KCNN2: variants seen among roughly 807,000 people sequenced by gnomAD.
KCNN2 encodes the protein potassium calcium-activated channel subfamily N member 2.
KCNN2 carries 24 observed loss-of-function variants against 55.5 expected under a neutral mutation model. That is an observed-to-expected ratio of 0.43 (90% CI 0.31 to 0.61). The LOEUF (loss-of-function observed/expected upper bound fraction) is 0.61, where lower values mean the gene tolerates loss of function less well. Among genes scored for constraint, KCNN2 ranks in the 20% least tolerant of loss-of-function variants. The pLI, the probability that KCNN2 is intolerant of heterozygous loss-of-function variation, is 0.08. For synonymous variants in KCNN2, 431 were observed against 336.1 expected (o/e 1.28, Z -3.09); for missense variants, 754 against 853.6 (o/e 0.88, Z 1.45).
At chr5:114,471,107 T>A (rs1383279897) in intron 4 of KCNN2, among the ~76,000 whole-genome samples, 2 of 152,198 alleles carry the variant, frequency 1.3e-5, no homozygotes, top group Non-Finnish European at 2.9e-5. Flanking sequence ...CCTGTCTTGC[T>A]TTGAAATACA....
intron 1 of KCNN2, among the ~76,000 whole-genome samples, chr5:114,199,011 G>C (rs538462743): frequency 6.6e-6 from 1 of 152,160 alleles, no homozygotes; most frequent in African/African-American, 2.4e-5. Context: ...GATCTGTCTA[G>C]TGCTATGAGT....
chr5:114,059,696 C>T (rs981191660), intron 1 of KCNN2, among the ~76,000 whole-genome samples: 7 of 152,042 alleles, frequency 4.6e-5, no homozygotes, highest in African/African-American at 1.2e-4. Context: ...AATGGTAGTG[C>T]GAGCCCTTTA....
At chr5:114,272,413 CTACACACATATGTACGTACAT>C (rs1755367367) in intron 2 of KCNN2, among the ~76,000 whole-genome samples, 2 of 23,286 alleles carry the variant, frequency 8.6e-5, no homozygotes, top group Admixed American at 1.5e-3. Flanking sequence ...ATGTACATAT[CTACACACATATGTACGTACAT>C]ATCATATACA....
intron 2 of KCNN2, among the ~76,000 whole-genome samples, chr5:114,283,976 G>T (rs563468870): frequency 6.6e-6 from 1 of 152,262 alleles, no homozygotes. Context: ...ATTTCCACAA[G>T]AATAGGCACT....
chr5:114,463,259 G>A (rs1294009039), intron 4 of KCNN2, 69 bp downstream of exon 4: 12 of 1,229,752 alleles, frequency 9.8e-6, no homozygotes, highest in South Asian at 7.7e-5. Context: ...CTCAGTCCAC[G>A]TGCATAAGTA....
chr5:114,162,777 C>T (rs1039897994), intron 1 of KCNN2, among the ~76,000 whole-genome samples: 7 of 152,158 alleles, frequency 4.6e-5, no homozygotes, highest in Non-Finnish European at 8.8e-5. Flanking sequence ...GAGTGAGGCT[C>T]TTTGGGCACA....
intron 1 of KCNN2, among the ~76,000 whole-genome samples, chr5:114,171,019 C>G (rs908115221): frequency 1.3e-5 from 2 of 151,910 alleles, no homozygotes; most frequent in Non-Finnish European, 2.9e-5. Flanking sequence ...ATTTGTTAGC[C>G]AGCTTTAACA....
At position 114,065,846 on chromosome 5, in the gene KCNN2, GTTTTTTTTTTTTTTTTTTTTTTT is replaced by G. The variant is rs56127808; in HGVS notation, c.-271+9360_-271+9382del. The stretch of plus-strand genomic sequence containing the variant: ...AGCTTTTAGCTATTCTCCTATGCAG[GTTTTTTTTTTTTTTTTTTTTTTT>G]TTTTTTTTTTTTTGCAATGGGGAAA... On this transcript the variant is annotated intron_variant, in intron 1 of 10. Coordinates refer to the KCNN2 transcript ENST00000512097. Among the ~76,000 whole-genome samples, 7 of 45,244 alleles carry G rather than the reference GTTTTTTTTTTTTTTTTTTTTTTT, an allele frequency of 1.5e-4. No individual in the cohort carries two copies. The East Asian group carries it at 3.6e-3, about 23-fold the overall frequency. The allele number at this position is 45,244 out of a possible 152,430, so 29.7% of individuals were successfully genotyped here.
At chr5:114,122,399 C>T (rs757693599) in intron 1 of KCNN2, among the ~76,000 whole-genome samples, 3 of 152,150 alleles carry the variant, frequency 2.0e-5, no homozygotes, top group Non-Finnish European at 4.4e-5. Context: ...GAAGAATCTT[C>T]ATATGCACTG....
rs1243968184 is a variant in KCNN2 at position 114,386,182 on chromosome 5, A to T, written c.1219-18256A>T. 2.9e-4 allele frequency among the ~76,000 whole-genome samples: 20 copies of T among 68,124 alleles called. 1 individual carries two copies. The highest frequency in any genetic ancestry group is 1.4e-3 in the Admixed American group (9 of 6,470). The allele number at this position is 68,124 out of a possible 152,430, so 44.7% of individuals were successfully genotyped here. ...GGGGTGACAGAGCGAGACTCTGTCT[A>T]AAAAAAAAAAAAAAAAAAAAGTGAA... On this transcript the variant is annotated intron_variant, in intron 2 of 7. Transcript: ENST00000673685.
intron 2 of KCNN2, among the ~76,000 whole-genome samples, chr5:114,311,642 C>A (rs182878280): frequency 1.5e-3 from 232 of 152,232 alleles, no homozygotes; most frequent in African/African-American, 5.3e-3. Flanking sequence ...GCTTTTTGTG[C>A]AGGCTACCTA....
chr5:114,400,649 C>T (rs1758758910), intron 2 of KCNN2, among the ~76,000 whole-genome samples: 1 of 152,218 alleles, frequency 6.6e-6, no homozygotes, highest in Non-Finnish European at 1.5e-5. Context: ...TCCTTTCATG[C>T]TGCCCCTTGA....
chr5:114,075,803 C>T (rs1244154850), intron 1 of KCNN2, among the ~76,000 whole-genome samples: 18 of 152,304 alleles, frequency 1.2e-4, no homozygotes, highest in African/African-American at 4.3e-4. Context: ...TGCTATGCTG[C>T]AGACCCATGC....
chr5:114,273,285 A>T (rs894560585), intron 2 of KCNN2, among the ~76,000 whole-genome samples: 3 of 152,156 alleles, frequency 2.0e-5, no homozygotes, highest in African/African-American at 7.2e-5. Flanking sequence ...ATTGATGGAC[A>T]TTTGGGTTGG....
chr5:114,366,395 G>A (rs1344035162), intron 2 of KCNN2, among the ~76,000 whole-genome samples: 1 of 152,082 alleles, frequency 6.6e-6, no homozygotes, highest in Non-Finnish European at 1.5e-5. Flanking sequence ...AGATGCTTGG[G>A]TCATGTCATT....
At chr5:114,461,327 G>T (rs1420625313) in intron 3 of KCNN2, among the ~76,000 whole-genome samples, 3 of 152,180 alleles carry the variant, frequency 2.0e-5, no homozygotes, top group Non-Finnish European at 2.9e-5. Flanking sequence ...GGGGAGAGGG[G>T]ACTTTACAGC....
chr5:114,342,124 A>T (rs984801400), intron 2 of KCNN2, among the ~76,000 whole-genome samples: 10 of 151,990 alleles, frequency 6.6e-5, no homozygotes, highest in African/African-American at 2.2e-4. Context: ...GATGGTCTCG[A>T]TCTCCTGACC....
chr5:114,234,564 G>A (rs531100572), intron 2 of KCNN2, among the ~76,000 whole-genome samples: 124 of 152,290 alleles, frequency 8.1e-4, no homozygotes, highest in Non-Finnish European at 1.5e-3. Context: ...TTTGTTCATA[G>A]ATCCTTCACC....
At chr5:114,149,953 C>T (rs1382483755) in intron 1 of KCNN2, among the ~76,000 whole-genome samples, 6 of 152,094 alleles carry the variant, frequency 3.9e-5, no homozygotes, top group Non-Finnish European at 7.4e-5. Flanking sequence ...CCTCATGCGT[C>T]CGTTTATAGG....
Sources: gnomAD v4.1 joint callset for allele counts (sites outside exome capture counted in the v4.1 genomes callset) on GRCh38, gnomAD v4.1.1 for gene constraint, MANE v1.5 for transcripts, NCBI Gene and HGNC (gene_info 2026-07-23, HGNC 2026-07-21) for gene names.